The following PHLPP1 variants were observed in gnomAD, a reference collection of about 807,000 sequenced individuals.
PHLPP1 encodes PH domain and leucine rich repeat protein phosphatase 1.
Under a neutral mutation model 117.2 loss-of-function variants are expected in PHLPP1, and 42 were observed. That is an observed-to-expected ratio of 0.36 (90% CI 0.28 to 0.46). The LOEUF (loss-of-function observed/expected upper bound fraction) is 0.46. Among genes scored for constraint, PHLPP1 ranks in the 20% least tolerant of loss-of-function variants. The pLI, the probability that PHLPP1 is intolerant of heterozygous loss-of-function variation, is 1.00. For missense variants in PHLPP1, 2,084 were observed against 2,241.9 expected (o/e 0.93, Z 1.42); for synonymous variants, 1,042 against 970.7 (o/e 1.07, Z -1.37).
chr18:62,896,045 T>G (rs1417458322), intron 6 of PHLPP1, 34 bp downstream of exon 6: 1 of 1,367,392 alleles, frequency 7.3e-7, no homozygotes, highest in Admixed American at 1.9e-5. Flanking sequence ...CTCATTTGAG[T>G]GGCTGGCTTA....
At chr18:62,736,170 G>A (rs1479855330) in intron 1 of PHLPP1, among the ~76,000 whole-genome samples, 1 of 152,132 alleles carries the variant, frequency 6.6e-6, no homozygotes, top group Non-Finnish European at 1.5e-5. Flanking sequence ...ACTGCATTGT[G>A]TTGAGCCTTG....
chr18:62,956,163 A>G (rs538130698), intron 12 of PHLPP1, among the ~76,000 whole-genome samples: 28 of 152,352 alleles, frequency 1.8e-4, no homozygotes, highest in African/African-American at 5.3e-4. Flanking sequence ...TCAGGCTGCT[A>G]TAACAACATG....
intron 4 of PHLPP1, among the ~76,000 whole-genome samples, chr18:62,883,867 C>T (rs1230052030): frequency 2.0e-5 from 3 of 152,170 alleles, no homozygotes; most frequent in African/African-American, 7.2e-5. Context: ...CAGTTCAGAT[C>T]AGCTTTTGCC....
At chr18:62,830,903 C>G (rs956392285) in intron 2 of PHLPP1, among the ~76,000 whole-genome samples, 10 of 152,138 alleles carry the variant, frequency 6.6e-5, no homozygotes, top group Non-Finnish European at 4.4e-5. Context: ...AACATTGACA[C>G]ATGCGGAGGG....
intron 10 of PHLPP1, among the ~76,000 whole-genome samples, chr18:62,926,060 T>A (rs947290592): frequency 4.6e-5 from 7 of 152,350 alleles, no homozygotes; most frequent in Admixed American, 1.3e-4. Context: ...CTCTGCTTTT[T>A]AAAGTGTTGT....
chr18:62,785,731 G>T (rs1363813738), intron 1 of PHLPP1, among the ~76,000 whole-genome samples: 1 of 152,154 alleles, frequency 6.6e-6, no homozygotes, highest in Non-Finnish European at 1.5e-5. Context: ...GTTCATGCTG[G>T]ATTTGGGGCC....
intron 4 of PHLPP1, among the ~76,000 whole-genome samples, chr18:62,894,558 T>C (rs1056581416): frequency 1.3e-5 from 2 of 152,224 alleles, no homozygotes; most frequent in African/African-American, 4.8e-5. Flanking sequence ...AGTATTGTTT[T>C]GATAAGTTTT....
intron 3 of PHLPP1, among the ~76,000 whole-genome samples, chr18:62,846,345 G>T (rs1004631032): frequency 1.3e-5 from 2 of 152,006 alleles, no homozygotes; most frequent in South Asian, 2.1e-4. Flanking sequence ...GAAATTTAGT[G>T]TATGAGTTAG....
intron 1 of PHLPP1, among the ~76,000 whole-genome samples, chr18:62,823,885 A>G (rs1914535228): frequency 6.6e-6 from 1 of 152,132 alleles, no homozygotes; most frequent in South Asian, 2.1e-4. Flanking sequence ...TAATTCCAGC[A>G]CTTCGGGAGG....
chr18:62,925,626 G>T (rs1194971900), intron 10 of PHLPP1, among the ~76,000 whole-genome samples: 1 of 150,306 alleles, frequency 6.7e-6, no homozygotes, highest in Admixed American at 6.6e-5. Context: ...GATATTTCTG[G>T]CATTTTAAAA....
intron 1 of PHLPP1, among the ~76,000 whole-genome samples, chr18:62,749,756 T>C (rs1911788494): frequency 6.6e-6 from 1 of 152,194 alleles, no homozygotes; most frequent in East Asian, 1.9e-4. Context: ...CGGTGGCTCA[T>C]GCCTGTAATC....
At chr18:62,963,265 A>G (rs1299037286) in intron 13 of PHLPP1, 103 bp from the exon 14 acceptor site, 5 of 717,216 alleles carry the variant, frequency 7.0e-6, no homozygotes, top group Admixed American at 4.5e-5. Context: ...AATGGTAAGT[A>G]CAGAGTGTTT....
At chr18:62,868,190 A>T (rs1180055026) in intron 4 of PHLPP1, among the ~76,000 whole-genome samples, 1 of 152,122 alleles carries the variant, frequency 6.6e-6, no homozygotes, top group African/African-American at 2.4e-5. Context: ...TTTTCAATTT[A>T]TGAGAGATAT....
rs554297810 is a variant in PHLPP1 at position 62,906,131 on chromosome 18, T to C, written c.2708+847T>C. Among the ~76,000 whole-genome samples the C allele has an allele frequency of 7.9e-5, 12 of 152,380 alleles. No individual in the cohort carries two copies. The South Asian group carries it at 2.5e-3, about 32-fold the overall frequency. ...CTGGTGTGTTTATTAACAGTCACCA[T>C]GCTTTTTAATCACAACTATTGTATG... On this transcript the variant is annotated intron_variant, in intron 8 of 16. Transcript: ENST00000262719.
chr18:62,774,916 C>G (rs774968950), intron 1 of PHLPP1, among the ~76,000 whole-genome samples: 1 of 151,566 alleles, frequency 6.6e-6, no homozygotes, highest in Non-Finnish European at 1.5e-5. Flanking sequence ...ACCTCCTTTT[C>G]TCTTGCTTTT....
At chr18:62,720,615 A>G (rs1478394644) in intron 1 of PHLPP1, among the ~76,000 whole-genome samples, 1 of 152,224 alleles carries the variant, frequency 6.6e-6, no homozygotes, top group Non-Finnish European at 1.5e-5. Context: ...TCTTATTACT[A>G]TAATTACAGC....
chr18:62,838,062 A>AT (rs1383030877), intron 2 of PHLPP1: 12 of 150,680 alleles, frequency 8.0e-5, no homozygotes, highest in East Asian at 5.8e-4. Flanking sequence ...CAATTGAAAA[A>AT]AATATATATA....
At chr18:62,874,960 G>T (rs1470014209) in intron 4 of PHLPP1, among the ~76,000 whole-genome samples, 1 of 151,944 alleles carries the variant, frequency 6.6e-6, no homozygotes, top group Non-Finnish European at 1.5e-5. Flanking sequence ...TTATGATTAT[G>T]ATTATTATAT....
chr18:62,961,614 T>G (rs1568175482), intron 13 of PHLPP1, among the ~76,000 whole-genome samples: 1 of 152,230 alleles, frequency 6.6e-6, no homozygotes, highest in Non-Finnish European at 1.5e-5. Context: ...CCTATTGTAT[T>G]GCTGACTGTT....
Sources: gnomAD v4.1 joint callset for allele counts (sites outside exome capture counted in the v4.1 genomes callset) on GRCh38, gnomAD v4.1.1 for gene constraint, MANE v1.5 for transcripts, NCBI Gene and HGNC (gene_info 2026-07-23, HGNC 2026-07-21) for gene names.